Variants in DNASE1L1 observed in about 807,000 individuals in gnomAD.
The protein encoded by DNASE1L1 is deoxyribonuclease 1 like 1, also known as deoxyribonuclease-1-like 1.
Under a neutral mutation model 18.6 loss-of-function variants are expected in DNASE1L1, and 8 were observed. The ratio of observed to expected loss-of-function variants is 0.43; its 90% CI spans 0.25 to 0.78. DNASE1L1 has a LOEUF of 0.78. DNASE1L1 is among the 30% of genes least tolerant of loss of function. The probability of loss-of-function intolerance (pLI) is 0.23; values close to 1 mark genes in which losing one functional copy is unlikely to be tolerated. For missense variants in DNASE1L1, 214 were observed against 258.2 expected (o/e 0.83, Z 1.17); for synonymous variants, 114 against 114.2 (o/e 1.00, Z 0.01).
At chrX:154,406,368 GTT>G (rs57476394) in intron 1 of DNASE1L1, among the ~76,000 whole-genome samples, 5,302 of 84,566 alleles carry the variant, frequency 0.063, 390 homozygotes, top group African/African-American at 0.24. Context: ...CATCCATCTG[GTT>G]TTTTTTTTTT....
At chrX:154,411,761 T>C, upstream of DNASE1L1, 1 of 926,087 alleles carries the variant, frequency 1.1e-6, no homozygotes, top group Non-Finnish European at 1.5e-6. Flanking sequence ...GGCCAGTGTC[T>C]CGAGCGGTCG....
upstream of DNASE1L1, among the ~76,000 whole-genome samples, chrX:154,410,735 C>T (rs1230369319): frequency 4.6e-5 from 5 of 107,890 alleles, no homozygotes; most frequent in Admixed American, 9.9e-5. Flanking sequence ...AAAAATTAGC[C>T]GGGCGTGGCG....
At chrX:154,407,523 G>A (rs1361955374) in intron 1 of DNASE1L1, among the ~76,000 whole-genome samples, 1 of 105,556 alleles carries the variant, frequency 9.5e-6, no homozygotes, top group Non-Finnish European at 1.9e-5. Flanking sequence ...ACAGGTGTGA[G>A]CCACTGCGCC....
At position 154,405,630 on chromosome X, in the gene DNASE1L1, T is replaced by A; in HGVS notation, c.-62A>T. ...AGGCTGCCCCAGGGTGCGCTCTCAC[T>A]GGGCTCAGTTCTGGCTCTGGAAGCG... On this transcript the variant is annotated 5_prime_UTR_variant, in exon 2 of 8. Transcript: ENST00000369807. 2 of 1,041,260 alleles carry A rather than the reference T, an allele frequency of 1.9e-6. No individual in the cohort carries two copies. Among genetic ancestry groups the A allele is most frequent in the Non-Finnish European group, 2.5e-6 (2 of 795,911 alleles). 85.8% of individuals were successfully genotyped at this position (1,041,260 alleles called of 1,213,427 possible).
At chrX:154,410,417 G>T (rs1012404154), upstream of DNASE1L1, among the ~76,000 whole-genome samples, 16 of 110,385 alleles carry the variant, frequency 1.4e-4, no homozygotes, top group Non-Finnish European at 2.3e-4. Context: ...GCCAGGTGTG[G>T]TGGCTTGCGC....
intron 1 of DNASE1L1, among the ~76,000 whole-genome samples, chrX:154,408,331 T>A (rs782114099): frequency 8.9e-6 from 1 of 112,321 alleles, no homozygotes; most frequent in African/African-American, 3.2e-5. Context: ...TACAGGAACA[T>A]CTTCGTTCAT....
At position 154,402,251 on chromosome X, in the gene DNASE1L1, T is replaced by C. The variant is rs1394613790; in HGVS notation, c.*456A>G. The C allele has an allele frequency of 3.9e-5, 5 of 129,824 alleles. No individual in the cohort carries two copies. The highest frequency in any genetic ancestry group is 1.6e-4 in the African/African-American group (5 of 31,193). The allele number at this position is 129,824 out of a possible 1,213,427, so 10.7% of individuals were successfully genotyped here. ...AGGGAAGGAGTTTGATATAGCAGAT[T>C]AACCACCCTCCTTGTAGCTATTGGG... On this transcript the variant is annotated 3_prime_UTR_variant, in exon 8 of 8. Coordinates refer to ENST00000369807, the MANE Select transcript of DNASE1L1 (RefSeq NM_001303620.2).
chrX:154,406,040 C>T (rs782739234), intron 1 of DNASE1L1, among the ~76,000 whole-genome samples: 1 of 105,234 alleles, frequency 9.5e-6, no homozygotes, highest in Non-Finnish European at 2.0e-5. Flanking sequence ...GGCGCAAACG[C>T]GGCTCACTGC....
upstream of DNASE1L1, chrX:154,409,411 G>T: frequency 5.6e-6 from 1 of 179,844 alleles, no homozygotes; most frequent in South Asian, 8.2e-5. Flanking sequence ...AGCGGGACAT[G>T]ACAGACCTGT....
chrX:154,402,568 A>C lies in DNASE1L1; in HGVS notation c.*139T>G, dbSNP rs2068064304. On this transcript the variant is annotated 3_prime_UTR_variant, in exon 8 of 8. Coordinates refer to ENST00000369807, the MANE Select transcript of DNASE1L1 (RefSeq NM_001303620.2). ...AGCCCAACCAAAGAACAAGAGCCAA[A>C]TCAAACAAGGCAGGCAGGGGTGGAC... The C allele has an allele frequency of 3.0e-6, 2 of 659,551 alleles. No individual in the cohort carries two copies. The highest frequency in any genetic ancestry group is 8.2e-5 in the Admixed American group (2 of 24,524). 54.4% of individuals were successfully genotyped at this position (659,551 alleles called of 1,213,427 possible). A position where few individuals can be genotyped will look rare whatever the true frequency, so the allele number is the denominator to read the frequency against.
upstream of DNASE1L1, chrX:154,409,351 C>G (rs782432105): frequency 4.5e-6 from 1 of 221,304 alleles, no homozygotes; most frequent in Non-Finnish European, 8.7e-6. Flanking sequence ...GGCCTGGGAA[C>G]TGCTGACCTG....
rs1557187287 is a variant in DNASE1L1, at chrX:154,403,033, C to T, written c.683G>A (p.Arg228His). ...GCAGCGCTCCCCGTGCAGCACGACG[C>T]GGTCATAGGTGCAGTGGGTGCTGGC... ...VRASTHCTYD[R>H]VVLHGERCRS... The change falls in exon 7 of 8, where the codon CGC becomes CAC. Residue 228 changes from arginine to histidine, a missense_variant. By Grantham distance (29) the Arg-to-His change is conservative. Coordinates refer to ENST00000369807, the MANE Select transcript of DNASE1L1 (RefSeq NM_001303620.2). 5.0e-6 allele frequency: 6 copies of T among 1,210,387 alleles called. No homozygotes were observed. The highest frequency in any genetic ancestry group is 3.5e-5 in the African/African-American group (2 of 57,402).
At position 154,403,439 on chromosome X, in the gene DNASE1L1, C is replaced by T. The variant is rs782111201; in HGVS notation, c.413-58G>A. Reference sequence around the variant, plus strand: ...ACTCCTGGACCTTCTCCCCCTAGCCCGTCTGGGTGAGGAAGCCCCCAGTGG... The same window carrying T: ...ACTCCTGGACCTTCTCCCCCTAGCCTGTCTGGGTGAGGAAGCCCCCAGTGG... On this transcript the variant is annotated intron_variant, in intron 5 of 7. Transcript: ENST00000369807. 5.0e-6 allele frequency: 6 copies of T among 1,195,303 alleles called. No individual in the cohort carries two copies. The African/African-American group carries it at 5.3e-5, about 10-fold the overall frequency.
chrX:154,403,346 T>G lies in DNASE1L1; in HGVS notation c.448A>C (p.Thr150Pro). ...AGCTCCTTCTCTACGGCCTTAGGAG[T>G]GGTGTGCAGCGGGACCAACACCAGG... ...PSLVLVPLHT[T>P]PKAVEKELNA... The change falls in exon 6 of 8, where the codon ACT (threonine) becomes CCT (proline). Residue 150 changes from threonine to proline, a missense_variant. By Grantham distance (38) the Thr-to-Pro change is conservative. Transcript: ENST00000369807. The G allele has an allele frequency of 8.3e-7, 1 of 1,210,274 alleles. No homozygotes were observed. Among genetic ancestry groups the G allele is most frequent in the Non-Finnish European group, 1.1e-6 (1 of 895,049 alleles).
chrX:154,404,274 TC>T (rs1281053239), intron 4 of DNASE1L1, among the ~76,000 whole-genome samples: 1 of 106,715 alleles, frequency 9.4e-6, no homozygotes, highest in Non-Finnish European at 1.9e-5. Flanking sequence ...TGCTTCAGCC[TC>T]CCAAAGCGTT....
intron 4 of DNASE1L1, 92 bp from the exon 5 acceptor site, chrX:154,403,714 A>G: frequency 2.8e-6 from 2 of 723,616 alleles, no homozygotes; most frequent in South Asian, 2.4e-5. Context: ...GCCCTCCACT[A>G]ACAGCGGCAA....
At position 154,403,061 on chromosome X, in the gene DNASE1L1, G is replaced by A. The variant is rs782515836; in HGVS notation, c.655C>T (p.Arg219Trp). ...TCATAGGTGCAGTGGGTGCTGGCCC[G>A]CACTGTGGTGTCCTCCCCATCGGCA... is the stretch of plus-strand genomic sequence containing the variant. ...VIADGEDTTV[R>W]ASTHCTYDRV... The change falls in exon 7 of 8, where the codon CGG becomes TGG. Residue 219 changes from arginine (R) to tryptophan (W), a missense_variant. Arg to Trp is a moderately radical substitution (Grantham distance 101). Coordinates refer to ENST00000369807, the MANE Select transcript of DNASE1L1 (RefSeq NM_001303620.2). 20 of 1,210,219 alleles carry A rather than the reference G, an allele frequency of 1.7e-5. No homozygotes were observed. The highest frequency in any genetic ancestry group is 5.2e-5 in the African/African-American group (3 of 57,350).
chrX:154,406,131 C>T (rs921827138), intron 1 of DNASE1L1, among the ~76,000 whole-genome samples: 3 of 108,176 alleles, frequency 2.8e-5, no homozygotes, highest in Non-Finnish European at 3.8e-5. Flanking sequence ...GCCACACGCC[C>T]GGCTAATTTT....
intron 4 of DNASE1L1, 28 bp downstream of exon 4, chrX:154,404,800 C>T (rs1557187940): frequency 1.7e-6 from 2 of 1,196,133 alleles, no homozygotes; most frequent in Non-Finnish European, 2.3e-6. Context: ...CGCCCCCCAC[C>T]CTGCTGCGCT....
Sources: allele counts gnomAD v4.1 joint callset (sites outside exome capture counted in the v4.1 genomes callset), GRCh38; gene constraint gnomAD v4.1.1; transcripts MANE v1.5; gene names NCBI Gene and HGNC (gene_info 2026-07-23, HGNC 2026-07-21).